Variants in SUGCT observed in about 807,000 individuals in gnomAD.
The protein encoded by SUGCT is succinyl-CoA:glutarate CoA-transferase.
SUGCT carries 41 observed loss-of-function variants against 55.0 expected under a neutral mutation model. That is an observed-to-expected ratio of 0.74 (90% CI 0.58 to 0.97). The LOEUF (loss-of-function observed/expected upper bound fraction) is 0.97, where lower values mean the gene tolerates loss of function less well. SUGCT is among the 50% of genes least tolerant of loss of function. The pLI, the probability that SUGCT is intolerant of heterozygous loss-of-function variation, is 0.00. For missense variants in SUGCT, 568 were observed against 547.8 expected (o/e 1.04, Z -0.37); for synonymous variants, 187 against 200.4 (o/e 0.93, Z 0.56).
intron 9 of SUGCT, among the ~76,000 whole-genome samples, chr7:40,385,458 C>G (rs1467276792): frequency 6.6e-6 from 1 of 152,042 alleles, no homozygotes; most frequent in Non-Finnish European, 1.5e-5. Flanking sequence ...TAGTAAGTGT[C>G]CAATGAATGC....
chr7:40,259,677 T>G (rs78297467), intron 7 of SUGCT, among the ~76,000 whole-genome samples: 1 of 152,196 alleles, frequency 6.6e-6, no homozygotes, highest in East Asian at 1.9e-4. Flanking sequence ...GCCAGTTGTA[T>G]GGTTATCTTT....
chr7:40,987,827 A>G, the SUGCT span, among the ~76,000 whole-genome samples: 1 of 152,170 alleles, frequency 6.6e-6, no homozygotes, highest in Non-Finnish European at 1.5e-5. Flanking sequence ...TTGTCATTCT[A>G]TTTATTATCC....
intron 12 of SUGCT, among the ~76,000 whole-genome samples, chr7:40,717,692 C>G (rs866133660): frequency 6.6e-6 from 1 of 152,200 alleles, no homozygotes. Context: ...TAAATTATAG[C>G]ATATCTATGT....
the SUGCT span, among the ~76,000 whole-genome samples, chr7:41,026,110 T>A: frequency 1.3e-5 from 2 of 152,246 alleles, no homozygotes; most frequent in Non-Finnish European, 2.9e-5. Context: ...ACCATCACCT[T>A]GGTCTTACGT....
chr7:40,682,735 A>G (rs983356426), intron 12 of SUGCT, among the ~76,000 whole-genome samples: 1 of 152,022 alleles, frequency 6.6e-6, no homozygotes, highest in Non-Finnish European at 1.5e-5. Context: ...CCACCCCCCA[A>G]AAAAATCCAC....
chr7:40,610,952 C>T (rs1354172142), intron 12 of SUGCT, among the ~76,000 whole-genome samples: 1 of 152,142 alleles, frequency 6.6e-6, no homozygotes, highest in Admixed American at 6.5e-5. Flanking sequence ...AGCACTCCTC[C>T]TCTGATCCAG....
At chr7:40,766,980 C>G (rs1429434329) in intron 13 of SUGCT, among the ~76,000 whole-genome samples, 1 of 152,104 alleles carries the variant, frequency 6.6e-6, no homozygotes, top group Non-Finnish European at 1.5e-5. Context: ...CTTAAGGAGG[C>G]CTTATATTGA....
chr7:40,747,836 C>T (rs1352040468), intron 12 of SUGCT, among the ~76,000 whole-genome samples: 1 of 151,996 alleles, frequency 6.6e-6, no homozygotes, highest in Non-Finnish European at 1.5e-5. Context: ...TATCACAAAA[C>T]ATTTTGCCTC....
intron 8 of SUGCT, among the ~76,000 whole-genome samples, chr7:40,291,531 G>C (rs1296107875): frequency 6.7e-6 from 1 of 148,374 alleles, no homozygotes; most frequent in African/African-American, 2.5e-5. Context: ...GGGAGGGATA[G>C]CATTAGGAGA....
At chr7:40,170,540 G>A (rs1784621956) in intron 1 of SUGCT, among the ~76,000 whole-genome samples, 1 of 152,184 alleles carries the variant, frequency 6.6e-6, no homozygotes, top group South Asian at 2.1e-4. Flanking sequence ...AGTGCCTCTA[G>A]TCATTTTCCA....
At chr7:40,416,972 G>A (rs1308710264) in intron 9 of SUGCT, among the ~76,000 whole-genome samples, 1 of 151,890 alleles carries the variant, frequency 6.6e-6, no homozygotes, top group East Asian at 1.9e-4. Context: ...ATTTTTATCA[G>A]TTTTGGTAAT....
At chr7:40,746,713 A>G (rs542116661) in intron 12 of SUGCT, among the ~76,000 whole-genome samples, 1 of 152,212 alleles carries the variant, frequency 6.6e-6, no homozygotes, top group African/African-American at 2.4e-5. Flanking sequence ...TTTGCTTCAC[A>G]AAACTTTGAC....
At chr7:40,701,824 T>C (rs1312037325) in intron 12 of SUGCT, among the ~76,000 whole-genome samples, 1 of 152,166 alleles carries the variant, frequency 6.6e-6, no homozygotes, top group Non-Finnish European at 1.5e-5. Context: ...CTAAGGAAAC[T>C]GAGTTGGGGA....
At chr7:40,860,153 T>C (rs1794418714) in intron 13 of SUGCT, among the ~76,000 whole-genome samples, 163 bp from the exon 14 acceptor site, 1 of 152,318 alleles carries the variant, frequency 6.6e-6, no homozygotes, top group East Asian at 1.9e-4. Context: ...AAAAGCCACA[T>C]GTGAAAACAC....
chr7:40,578,056 C>A (rs1796866620), intron 12 of SUGCT, among the ~76,000 whole-genome samples: 1 of 152,178 alleles, frequency 6.6e-6, no homozygotes, highest in Admixed American at 6.5e-5. Context: ...TTCTCCATTA[C>A]TCTAACACAT....
the SUGCT span, among the ~76,000 whole-genome samples, chr7:41,009,205 C>CTT: frequency 1.0e-5 from 1 of 100,334 alleles, no homozygotes; most frequent in African/African-American, 4.5e-5. Context: ...CAATGTCTCT[C>CTT]TCTAAAAAAA....
Position 40,459,230 on chromosome 7 carries a change from G to T in SUGCT, c.986+32G>T, listed in dbSNP as rs3779135. On this transcript the variant is annotated intron_variant, in intron 11 of 13. Coordinates refer to ENST00000335693, the MANE Select transcript of SUGCT (RefSeq NM_001193313.2). ...TTGGATGTTGTATTCATCCATTTAA[G>T]AATTAATATGTGATAAGCATTTATC... is the stretch of plus-strand genomic sequence containing the variant. 7,092 of 1,349,200 alleles carry T rather than the reference G, an allele frequency of 5.3e-3. 318 individuals are homozygous for T. In the Admixed American group the frequency reaches 0.091, roughly 17 times the overall value. The allele number at this position is 1,349,200 out of a possible 1,614,324, so 83.6% of individuals were successfully genotyped here.
At chr7:40,899,657 T>A in the SUGCT span, among the ~76,000 whole-genome samples, 1 of 140,642 alleles carries the variant, frequency 7.1e-6, no homozygotes, top group East Asian at 2.0e-4. Context: ...TCTTTCCTAC[T>A]TTTTTTTTTG....
At chr7:40,719,732 A>G (rs183072951) in intron 12 of SUGCT, among the ~76,000 whole-genome samples, 205 of 152,268 alleles carry the variant, frequency 1.3e-3, no homozygotes, top group Non-Finnish European at 2.2e-3. Flanking sequence ...AAAGGTGCAT[A>G]AGGGAAAAGA....
Sources: allele counts gnomAD v4.1 joint callset (sites outside exome capture counted in the v4.1 genomes callset), GRCh38; gene constraint gnomAD v4.1.1; transcripts MANE v1.5; gene names NCBI Gene and HGNC (gene_info 2026-07-23, HGNC 2026-07-21).